The following RPRD1A variants were observed in gnomAD, a reference collection of about 807,000 sequenced individuals.
The protein encoded by RPRD1A is regulation of nuclear pre-mRNA domain containing 1A, also known as regulation of nuclear pre-mRNA domain-containing protein 1A.
In RPRD1A, 9 loss-of-function variants were observed where a neutral mutation model predicts 37.8. The observed-to-expected ratio is 0.24, with a 90% CI of 0.14 to 0.42. The LOEUF (loss-of-function observed/expected upper bound fraction) is 0.42. Ranked by LOEUF, RPRD1A falls within the 10% of genes least tolerant of loss-of-function variation. RPRD1A has a pLI of 1.00. For synonymous variants in RPRD1A, 138 were observed against 139.7 expected (o/e 0.99, Z 0.08); for missense variants, 255 against 371.0 (o/e 0.69, Z 2.57).
intron 1 of RPRD1A, among the ~76,000 whole-genome samples, chr18:36,058,059 T>C (rs1857531498): frequency 6.6e-6 from 1 of 152,216 alleles, no homozygotes; most frequent in African/African-American, 2.4e-5. Flanking sequence ...TCTTGTATTT[T>C]TTGTGACAGG....
chr18:35,993,517 C>T (rs1779509826), intron 6 of RPRD1A, among the ~76,000 whole-genome samples: 1 of 152,222 alleles, frequency 6.6e-6, no homozygotes, highest in Non-Finnish European at 1.5e-5. Context: ...GCTGTTGCTT[C>T]ACACCAGTAG....
chr18:36,059,924 C>T (rs1255833160), intron 1 of RPRD1A, among the ~76,000 whole-genome samples: 4 of 152,158 alleles, frequency 2.6e-5, no homozygotes, highest in Non-Finnish European at 5.9e-5. Flanking sequence ...AAGATGACTA[C>T]ATGGGAGTCA....
At chr18:36,066,649 T>C (rs568239649) in intron 1 of RPRD1A, among the ~76,000 whole-genome samples, 3 of 152,184 alleles carry the variant, frequency 2.0e-5, no homozygotes, top group Non-Finnish European at 4.4e-5. Flanking sequence ...AATCATAGAA[T>C]AGGAAAGGAC....
chr18:36,025,935 C>A (rs568813852), intron 6 of RPRD1A: 10 of 226,594 alleles, frequency 4.4e-5, no homozygotes, highest in Non-Finnish European at 8.0e-5. Context: ...CTATCATCAT[C>A]TGAGGGTATT....
At chr18:36,042,003 T>C (rs964370757) in intron 1 of RPRD1A, among the ~76,000 whole-genome samples, 1 of 152,218 alleles carries the variant, frequency 6.6e-6, no homozygotes, top group Non-Finnish European at 1.5e-5. Context: ...ATGGATCCTG[T>C]CAATTCTTGC....
At chr18:36,008,573 G>GTATATATATATATATATATATATA (rs1339247337) in intron 6 of RPRD1A, among the ~76,000 whole-genome samples, 14 of 36,634 alleles carry the variant, frequency 3.8e-4, no homozygotes, top group African/African-American at 1.5e-3. Flanking sequence ...AAGACCTTGT[G>GTATATATATATATATATATATATA]TGTGTATATA....
chr18:36,042,905 C>T (rs1238281564), intron 1 of RPRD1A, among the ~76,000 whole-genome samples: 1 of 152,104 alleles, frequency 6.6e-6, no homozygotes, highest in East Asian at 1.9e-4. Flanking sequence ...AACATAAATG[C>T]ACATACCTTC....
intron 1 of RPRD1A, among the ~76,000 whole-genome samples, chr18:36,064,661 G>A (rs777857617): frequency 6.6e-6 from 1 of 152,124 alleles, no homozygotes; most frequent in East Asian, 1.9e-4. Flanking sequence ...GGACCAATCA[G>A]CTCTCTGTAA....
At chr18:36,029,900 G>C (rs942374566) in intron 4 of RPRD1A, among the ~76,000 whole-genome samples, 2 of 151,618 alleles carry the variant, frequency 1.3e-5, no homozygotes, top group Non-Finnish European at 2.9e-5. Flanking sequence ...CCGCCTCCCA[G>C]GTTCACGCCA....
At chr18:35,993,339 G>GA (rs748028803) in intron 6 of RPRD1A, 39 bp from the exon 7 acceptor site, 2 of 1,607,252 alleles carry the variant, frequency 1.2e-6, no homozygotes, top group Non-Finnish European at 1.7e-6. Flanking sequence ...TTCAGGGATT[G>GA]AAAAAACTTC....
Position 36,051,534 on chromosome 18 carries a change from AC to A in RPRD1A, c.151+15719del, listed in dbSNP as rs556136280. ...AAGAAAAAAACAAATATTCTCTAAT[AC>A]CCCTTCCAATTCTAAAACCCTCAGA... On this transcript the variant is annotated intron_variant, in intron 1 of 6. Coordinates refer to ENST00000399022, the MANE Select transcript of RPRD1A (RefSeq NM_018170.5). 2.9e-3 allele frequency among the ~76,000 whole-genome samples: 445 copies of A among 152,214 alleles called. 1 individual carries two copies. The highest frequency in any genetic ancestry group is 0.01 in the African/African-American group (430 of 41,542).
intron 6 of RPRD1A, among the ~76,000 whole-genome samples, chr18:36,018,359 T>C (rs1164899697): frequency 6.6e-6 from 1 of 151,760 alleles, no homozygotes; most frequent in Non-Finnish European, 1.5e-5. Flanking sequence ...CTGCAAGCTC[T>C]GCCTCCTGGG....
intron 1 of RPRD1A, 78 bp downstream of exon 1, chr18:36,067,176 C>A: frequency 1.4e-6 from 2 of 1,457,872 alleles, no homozygotes; most frequent in Non-Finnish European, 1.8e-6. Context: ...GCCGGGGGCG[C>A]TGGAGAAACG....
At chr18:36,008,341 G>T (rs1909892809) in intron 6 of RPRD1A, among the ~76,000 whole-genome samples, 1 of 151,306 alleles carries the variant, frequency 6.6e-6, no homozygotes, top group Non-Finnish European at 1.5e-5. Context: ...ACTTTGGGAG[G>T]CCAAGGTGAG....
At chr18:36,059,612 G>C (rs1297130390) in intron 1 of RPRD1A, among the ~76,000 whole-genome samples, 1 of 152,050 alleles carries the variant, frequency 6.6e-6, no homozygotes, top group Non-Finnish European at 1.5e-5. Context: ...AGAGTAAAGA[G>C]ATCCTCAAAC....
At chr18:36,019,614 T>C (rs1910855407) in intron 6 of RPRD1A, among the ~76,000 whole-genome samples, 1 of 152,160 alleles carries the variant, frequency 6.6e-6, no homozygotes, top group Non-Finnish European at 1.5e-5. Context: ...TAAAAAGTCT[T>C]CCATTTATAT....
chr18:36,032,665 A>C (rs1201298998), intron 2 of RPRD1A, among the ~76,000 whole-genome samples: 4 of 152,232 alleles, frequency 2.6e-5, no homozygotes, highest in Non-Finnish European at 5.9e-5. Flanking sequence ...CAAAGAACCG[A>C]GTCAATGTGT....
intron 6 of RPRD1A, among the ~76,000 whole-genome samples, chr18:36,008,577 G>GTGTGTGTGTATATATATATATA: frequency 5.6e-4 from 27 of 47,796 alleles, no homozygotes; most frequent in South Asian, 9.0e-4. Flanking sequence ...CCTTGTGTGT[G>GTGTGTGTGTATATATATATATA]TATATATATA....
chr18:36,067,315 G>C lies in RPRD1A; in HGVS notation c.90C>G (p.Leu30=). 1 of 1,607,436 alleles carries C rather than the reference G, an allele frequency of 6.2e-7. No individual in the cohort carries two copies. Among genetic ancestry groups the C allele is most frequent in the Middle Eastern group, 1.7e-4 (1 of 6,054 alleles). Residue 30 remains leucine, a synonymous_variant, in exon 1 of 7, where the codon CTC becomes CTG. Transcript: ENST00000399022. The part of the protein sequence containing the change: ...QQSVQTLSLW[L]IHHRKHSRPI... ...GACGCGAGTGTTTACGGTGGTGAAT[G>C]AGCCACAGGGACAAGGTCTGCACGC... is the stretch of plus-strand genomic sequence containing the variant.
Sources: gnomAD v4.1 joint callset for allele counts (sites outside exome capture counted in the v4.1 genomes callset) on GRCh38, gnomAD v4.1.1 for gene constraint, MANE v1.5 for transcripts, NCBI Gene and HGNC (gene_info 2026-07-23, HGNC 2026-07-21) for gene names.